TRDN: variants seen among roughly 807,000 people sequenced by gnomAD.
TRDN encodes the protein triadin in skeletal muscle.
A neutral mutation model predicts 149.7 loss-of-function variants in TRDN; 161 were observed. That is an observed-to-expected ratio of 1.08 (90% CI 0.95 to 1.23). The LOEUF is 1.23. TRDN is among the 50% of genes most tolerant of loss of function. TRDN has a pLI of 0.00. For missense variants in TRDN, 896 were observed against 823.5 expected (o/e 1.09, Z -1.08); for synonymous variants, 294 against 250.5 (o/e 1.17, Z -1.64).
At chr6:123,341,513 A>G (rs1217813369) in intron 21 of TRDN, among the ~76,000 whole-genome samples, 1 of 150,158 alleles carries the variant, frequency 6.7e-6, no homozygotes. Flanking sequence ...TTATTTAAAA[A>G]GAATAAAATT....
chr6:123,612,167 T>C (rs1784849070), intron 1 of TRDN, among the ~76,000 whole-genome samples: 1 of 138,986 alleles, frequency 7.2e-6, no homozygotes, highest in Non-Finnish European at 1.5e-5. Flanking sequence ...GAGGTGGGTG[T>C]ATCGCCTGAG....
At chr6:123,615,451 T>G (rs542721192) in intron 1 of TRDN, among the ~76,000 whole-genome samples, 2 of 152,072 alleles carry the variant, frequency 1.3e-5, no homozygotes, top group Non-Finnish European at 2.9e-5. Context: ...TGCGTCTGTG[T>G]GTGTATATAT....
chr6:123,545,642 A>T (rs1025144147), intron 4 of TRDN, among the ~76,000 whole-genome samples: 6 of 151,892 alleles, frequency 4.0e-5, no homozygotes, highest in African/African-American at 1.4e-4. Context: ...TGAGTATGTA[A>T]TCTTTAAGGA....
intron 24 of TRDN, among the ~76,000 whole-genome samples, chr6:123,297,309 G>T (rs1300562452): frequency 6.6e-6 from 1 of 151,986 alleles, no homozygotes; most frequent in Non-Finnish European, 1.5e-5. Flanking sequence ...GAAACCCTTT[G>T]TGTTCTGCCT....
intron 1 of TRDN, among the ~76,000 whole-genome samples, chr6:123,612,481 G>T (rs1436887362): frequency 2.0e-5 from 3 of 151,970 alleles, no homozygotes; most frequent in Non-Finnish European, 4.4e-5. Context: ...CATGGTGGTG[G>T]CGGGCGCCTG....
At chr6:123,248,678 G>C (rs1776271825) in intron 38 of TRDN, among the ~76,000 whole-genome samples, 1 of 151,992 alleles carries the variant, frequency 6.6e-6, no homozygotes, top group Non-Finnish European at 1.5e-5. Context: ...GAATCAAGAA[G>C]AAATAGGACC....
chr6:123,534,841 A>G (rs1156241098), intron 4 of TRDN, among the ~76,000 whole-genome samples: 2 of 152,146 alleles, frequency 1.3e-5, no homozygotes, highest in Admixed American at 6.6e-5. Context: ...AAACATCATG[A>G]CACCTTTTGA....
intron 1 of TRDN, among the ~76,000 whole-genome samples, chr6:123,608,706 T>C (rs1784638729): frequency 6.6e-6 from 1 of 152,182 alleles, no homozygotes; most frequent in Non-Finnish European, 1.5e-5. Flanking sequence ...GAAATGAAGA[T>C]TAACATATTG....
chr6:123,449,394 T>C (rs57176317), intron 10 of TRDN, among the ~76,000 whole-genome samples: 19,791 of 152,008 alleles, frequency 0.13, 1,813 homozygotes, highest in South Asian at 0.28. Context: ...TCAGGAAACT[T>C]TGGACACACT....
rs373339957 is a variant in TRDN, at chr6:123,218,581, T to C, written c.*20A>G. On this transcript the variant is annotated 3_prime_UTR_variant, in exon 41 of 41. Coordinates refer to ENST00000334268, the MANE Select transcript of TRDN (RefSeq NM_006073.4). ...CATTTTTAAAATCTTAAAGCACTTG[T>C]AAGGGTCATACATGTGTGTTTACTG... 253 of 1,601,514 alleles carry C rather than the reference T, an allele frequency of 1.6e-4. No homozygotes were observed. Among genetic ancestry groups the C allele is most frequent in the Non-Finnish European group, 2.1e-4 (242 of 1,174,836 alleles).
chr6:123,288,865 G>C (rs770838604), intron 24 of TRDN, among the ~76,000 whole-genome samples: 6 of 151,786 alleles, frequency 4.0e-5, no homozygotes, highest in Non-Finnish European at 8.8e-5. Context: ...TTTTCAGCTA[G>C]TTTACAGCAA....
At position 123,280,652 on chromosome 6, in the gene TRDN, C is replaced by CTTTT. The variant is rs34195939; in HGVS notation, c.1511-1574_1511-1571dup. Among the ~76,000 whole-genome samples, 419 of 135,506 alleles carry CTTTT rather than the reference C, an allele frequency of 3.1e-3. 18 individuals carry two copies. In the East Asian group the frequency reaches 0.073, roughly 24 times the overall value. 88.9% of individuals were successfully genotyped at this position (135,506 alleles called of 152,430 possible). A position where few individuals can be genotyped will look rare whatever the true frequency, so the allele number is the denominator to read the frequency against. On this transcript the variant is annotated intron_variant, in intron 24 of 40. Coordinates refer to ENST00000334268, the MANE Select transcript of TRDN (RefSeq NM_006073.4). The stretch of plus-strand genomic sequence containing the variant: ...TCTTTTTGTTCCTCTTCTTTTCTTT[C>CTTTT]TTTTTTTTTTTTTTTGGCTAACCTC...
At chr6:123,315,523 G>A (rs1230835204) in intron 24 of TRDN, among the ~76,000 whole-genome samples, 5 of 151,892 alleles carry the variant, frequency 3.3e-5, no homozygotes, top group Admixed American at 1.3e-4. Flanking sequence ...AGGGTGATTT[G>A]TAATAACTGC....
chr6:123,516,988 A>G (rs1009450302), intron 5 of TRDN, among the ~76,000 whole-genome samples: 3 of 152,076 alleles, frequency 2.0e-5, no homozygotes, highest in Non-Finnish European at 4.4e-5. Flanking sequence ...TATTTATACA[A>G]GAATATAGAA....
chr6:123,368,703 T>C (rs1315283810), intron 19 of TRDN, among the ~76,000 whole-genome samples: 1 of 152,168 alleles, frequency 6.6e-6, no homozygotes, highest in African/African-American at 2.4e-5. Flanking sequence ...CTCAGAATTT[T>C]CCTTTACTGC....
At chr6:123,474,579 T>C (rs1001521596) in intron 9 of TRDN, among the ~76,000 whole-genome samples, 18 of 152,268 alleles carry the variant, frequency 1.2e-4, no homozygotes, top group Admixed American at 8.5e-4. Context: ...GCCGACCTAA[T>C]AGACATCTAA....
At chr6:123,375,842 G>C (rs934863905) in intron 18 of TRDN, among the ~76,000 whole-genome samples, 10 of 152,028 alleles carry the variant, frequency 6.6e-5, no homozygotes, top group African/African-American at 1.9e-4. Context: ...GAATTTTATT[G>C]TTTGTTATTC....
chr6:123,558,920 C>T (rs116049469), intron 2 of TRDN, among the ~76,000 whole-genome samples: 1,661 of 152,350 alleles, frequency 0.011, 28 homozygotes, highest in African/African-American at 0.038. Context: ...CCACAAGTGC[C>T]GGAAATCCGG....
intron 12 of TRDN, among the ~76,000 whole-genome samples, chr6:123,435,334 C>T (rs1268720597): frequency 6.6e-6 from 1 of 151,962 alleles, no homozygotes; most frequent in East Asian, 1.9e-4. Flanking sequence ...TCAGGTTATT[C>T]TCAATTTCTC....
Sources: gnomAD v4.1 joint callset for allele counts (sites outside exome capture counted in the v4.1 genomes callset) on GRCh38, gnomAD v4.1.1 for gene constraint, MANE v1.5 for transcripts, NCBI Gene and HGNC (gene_info 2026-07-23, HGNC 2026-07-21) for gene names.